The following MSR1 variants were observed in gnomAD, a reference collection of about 807,000 sequenced individuals.
The protein encoded by MSR1 is macrophage scavenger receptor types I and II.
A neutral mutation model predicts 47.2 loss-of-function variants in MSR1; 53 were observed. The observed-to-expected ratio is 1.12, with a 90% confidence interval of 0.90 to 1.41. The LOEUF (loss-of-function observed/expected upper bound fraction) is 1.41. Among genes scored for constraint, MSR1 ranks in the 40% most tolerant of loss-of-function variants. MSR1 has a pLI of 0.00. For missense variants in MSR1, 786 were observed against 546.9 expected, an observed-to-expected ratio of 1.44 and a Z score of -4.36; for synonymous variants, 239 against 185.6, an observed-to-expected ratio of 1.29 and a Z score of -2.34.
Position 16,145,029 on chromosome 8 carries a change from T to C in MSR1, c.980-1418A>G, listed in dbSNP as rs937992670. On this transcript the variant is annotated intron_variant, in intron 7 of 9. Transcript: ENST00000262101. ...AAAAATACATATATATAATGTAACA[T>C]ATACAATCAGTAGCATGAGACTTGA... is the stretch of plus-strand genomic sequence containing the variant. Among the ~76,000 whole-genome samples, 11 of 152,198 alleles carry C rather than the reference T, an allele frequency of 7.2e-5. 1 individual carries two copies. The highest frequency in any genetic ancestry group is 3.4e-3 in the Middle Eastern group (1 of 294).
At chr8:16,190,284 A>G (rs1198954348) in intron 1 of MSR1, among the ~76,000 whole-genome samples, 2 of 152,190 alleles carry the variant, frequency 1.3e-5, no homozygotes, top group African/African-American at 4.8e-5. Flanking sequence ...AAGGAAAACT[A>G]TTTTGAACTT....
At chr8:16,171,347 A>C (rs1801482260) in intron 3 of MSR1, among the ~76,000 whole-genome samples, 1 of 152,042 alleles carries the variant, frequency 6.6e-6, no homozygotes, top group Non-Finnish European at 1.5e-5. Flanking sequence ...AATACATGAT[A>C]CCATATTTTT....
chr8:16,127,900 T>C (rs1800165073), intron 8 of MSR1, among the ~76,000 whole-genome samples: 1 of 152,196 alleles, frequency 6.6e-6, no homozygotes, highest in Non-Finnish European at 1.5e-5. Flanking sequence ...TTAGAAGTGA[T>C]TGCCCAGGTC....
At chr8:16,155,805 G>T (rs968658017) in intron 5 of MSR1, among the ~76,000 whole-genome samples, 2 of 151,766 alleles carry the variant, frequency 1.3e-5, no homozygotes, top group Non-Finnish European at 2.9e-5. Context: ...AATGAGTAGA[G>T]GAATTCTTTT....
chr8:16,140,740 T>C (rs1800533483), intron 8 of MSR1: 1 of 1,416,836 alleles, frequency 7.1e-7, no homozygotes. Flanking sequence ...ATGAGAGGTG[T>C]CCAGGCTGGG....
chr8:16,115,390 G>GA (rs1353160940), intron 9 of MSR1, among the ~76,000 whole-genome samples: 1 of 151,990 alleles, frequency 6.6e-6, no homozygotes, highest in African/African-American at 2.4e-5. Flanking sequence ...CCTCTTGAGT[G>GA]AAACTGTGAA....
intron 2 of MSR1, among the ~76,000 whole-genome samples, chr8:16,177,347 G>A (rs1355226213): frequency 2.0e-5 from 3 of 152,072 alleles, no homozygotes; most frequent in Non-Finnish European, 4.4e-5. Context: ...ACCATACGAA[G>A]AAGGCGGGAA....
intron 4 of MSR1, 60 bp downstream of exon 4, chr8:16,168,398 G>C (rs2117181440): frequency 6.3e-7 from 1 of 1,581,700 alleles, no homozygotes. Flanking sequence ...ACTGCCTAAG[G>C]AGACGAGACT....
intron 9 of MSR1, among the ~76,000 whole-genome samples, chr8:16,116,622 T>C (rs2117054008): frequency 6.6e-6 from 1 of 150,536 alleles, no homozygotes; most frequent in Admixed American, 6.5e-5. Context: ...TCTTAGTATC[T>C]CAGTATACTT....
chr8:16,130,819 T>C (rs1800238211), intron 8 of MSR1, among the ~76,000 whole-genome samples: 1 of 152,046 alleles, frequency 6.6e-6, no homozygotes, highest in Non-Finnish European at 1.5e-5. Context: ...ACTCATTCTT[T>C]TGTATGGCTG....
chr8:16,182,919 T>A (rs1801878070), intron 1 of MSR1, among the ~76,000 whole-genome samples: 1 of 152,170 alleles, frequency 6.6e-6, no homozygotes, highest in Non-Finnish European at 1.5e-5. Flanking sequence ...TACGTAACTG[T>A]ATGTGCTATA....
At chr8:16,172,083 A>AT (rs1301381920) in intron 3 of MSR1, among the ~76,000 whole-genome samples, 3 of 152,200 alleles carry the variant, frequency 2.0e-5, no homozygotes. Flanking sequence ...GCATTGTGTG[A>AT]TAAAAATCTT....
chr8:16,111,409 G>C (rs78757102), intron 9 of MSR1, among the ~76,000 whole-genome samples: 13,743 of 152,144 alleles, frequency 0.09, 820 homozygotes, highest in African/African-American at 0.16. Context: ...TCCATGAATT[G>C]TGAACCCGGG....
At chr8:16,179,401 C>T (rs1801758280) in intron 1 of MSR1, among the ~76,000 whole-genome samples, 1 of 152,140 alleles carries the variant, frequency 6.6e-6, no homozygotes. Flanking sequence ...TCCATATCAA[C>T]ATAGGATTCA....
intron 5 of MSR1, among the ~76,000 whole-genome samples, chr8:16,158,297 G>C (rs1008656588): frequency 1.3e-5 from 2 of 151,832 alleles, no homozygotes; most frequent in African/African-American, 2.4e-5. Context: ...CTACTATGTA[G>C]CTTCCTCCAT....
chr8:16,147,442 G>C (rs1419463792), intron 7 of MSR1, among the ~76,000 whole-genome samples: 2 of 152,022 alleles, frequency 1.3e-5, no homozygotes, highest in Non-Finnish European at 2.9e-5. Context: ...TGTTCTTTTT[G>C]AACTTTTTGC....
At chr8:16,173,321 T>C (rs1248295938) in intron 3 of MSR1, among the ~76,000 whole-genome samples, 1 of 152,214 alleles carries the variant, frequency 6.6e-6, no homozygotes. Context: ...CTGCGGTCCC[T>C]GGTGCTGGTA....
intron 8 of MSR1, among the ~76,000 whole-genome samples, chr8:16,126,696 G>A (rs1174487767): frequency 6.6e-6 from 1 of 152,114 alleles, no homozygotes; most frequent in Non-Finnish European, 1.5e-5. Flanking sequence ...AGGGAGACAA[G>A]TATTTGGGAC....
At chr8:16,170,097 C>G (rs950318019) in intron 3 of MSR1, among the ~76,000 whole-genome samples, 1 of 152,074 alleles carries the variant, frequency 6.6e-6, no homozygotes, top group African/African-American at 2.4e-5. Flanking sequence ...TGCCTGTAAT[C>G]CCAGCACTTT....
Sources: allele counts gnomAD v4.1 joint callset (sites outside exome capture counted in the v4.1 genomes callset), GRCh38; gene constraint gnomAD v4.1.1; transcripts MANE v1.5; gene names NCBI Gene and HGNC (gene_info 2026-07-23, HGNC 2026-07-21).